The following TTC27 variants were observed in gnomAD, a reference collection of about 807,000 sequenced individuals.
TTC27 encodes tetratricopeptide repeat domain 27, also known as tetratricopeptide repeat protein 27.
Under a neutral mutation model 115.9 loss-of-function variants are expected in TTC27, and 79 were observed. The observed-to-expected ratio is 0.68, with a 90% CI of 0.57 to 0.82. The LOEUF is 0.82. Ranked by LOEUF, TTC27 falls within the 40% of genes least tolerant of loss-of-function variation. The pLI is 0.00. For missense variants in TTC27, 1,054 were observed against 993.1 expected, an observed-to-expected ratio of 1.06 and a Z score of -0.82; for synonymous variants, 401 against 356.0, an observed-to-expected ratio of 1.13 and a Z score of -1.42.
At chr2:32,702,968 C>A in intron 10 of TTC27, 48 bp downstream of exon 10, 1 of 1,290,088 alleles carries the variant, frequency 7.8e-7, no homozygotes. Context: ...CTCTCTATTG[C>A]TATCAGTAAG....
intron 16 of TTC27, among the ~76,000 whole-genome samples, chr2:32,803,345 C>T (rs924444292): frequency 6.6e-6 from 1 of 152,202 alleles, no homozygotes; most frequent in African/African-American, 2.4e-5. Flanking sequence ...ACATATGGTC[C>T]CTGCCTTGCA....
At position 32,713,914 on chromosome 2, in the gene TTC27, C is replaced by A. The variant is rs530629668; in HGVS notation, c.1233+10994C>A. ...ATAAGTAATTTTTCAATTCTTAGCT[C>A]CTTCCGCTCTCCACCCTCAAGTAGG... On this transcript the variant is annotated intron_variant, in intron 10 of 19. Coordinates refer to ENST00000317907, the MANE Select transcript of TTC27 (RefSeq NM_017735.5). Among the ~76,000 whole-genome samples, 12 of 152,190 alleles carry A rather than the reference C, an allele frequency of 7.9e-5. No individual in the cohort carries two copies. In the East Asian group the frequency reaches 2.3e-3, roughly 29 times the overall value.
At chr2:32,673,247 G>A (rs909010633) in intron 8 of TTC27, among the ~76,000 whole-genome samples, 32 of 124,560 alleles carry the variant, frequency 2.6e-4, no homozygotes, top group Non-Finnish European at 1.6e-5. Context: ...TTCCTAAGAT[G>A]GAGTTTTGCT....
At chr2:32,684,081 C>T (rs904170098) in intron 9 of TTC27, among the ~76,000 whole-genome samples, 8 of 152,060 alleles carry the variant, frequency 5.3e-5, no homozygotes, top group African/African-American at 1.9e-4. Context: ...TTGCTTGAAC[C>T]CGGGAGGCGG....
At chr2:32,706,684 C>T (rs1667381018) in intron 10 of TTC27, among the ~76,000 whole-genome samples, 1 of 152,012 alleles carries the variant, frequency 6.6e-6, no homozygotes, top group South Asian at 2.1e-4. Flanking sequence ...CATGCCTCAG[C>T]CTCCTGAGTA....
intron 12 of TTC27, among the ~76,000 whole-genome samples, chr2:32,752,006 A>T (rs1302027884): frequency 1.3e-5 from 2 of 152,196 alleles, no homozygotes; most frequent in Admixed American, 1.3e-4. Context: ...TCAGTCAGTC[A>T]CTACTTAAGA....
chr2:32,705,267 T>G (rs1667327403), intron 10 of TTC27, among the ~76,000 whole-genome samples: 1 of 152,186 alleles, frequency 6.6e-6, no homozygotes, highest in Non-Finnish European at 1.5e-5. Flanking sequence ...ATAAGCTTCC[T>G]GAGGCTTCAT....
intron 9 of TTC27, among the ~76,000 whole-genome samples, chr2:32,700,884 G>C (rs1667162124): frequency 6.6e-6 from 1 of 152,144 alleles, no homozygotes; most frequent in Admixed American, 6.5e-5. Context: ...CTGACAAGTA[G>C]TGTTGTACAT....
At chr2:32,814,041 C>T (rs1671401980) in intron 18 of TTC27, among the ~76,000 whole-genome samples, 1 of 152,174 alleles carries the variant, frequency 6.6e-6, no homozygotes, top group South Asian at 2.1e-4. Flanking sequence ...GGGAAACCCA[C>T]ACTGATGTAT....
intron 10 of TTC27, among the ~76,000 whole-genome samples, chr2:32,723,269 G>A (rs974568511): frequency 4.6e-5 from 7 of 152,038 alleles, no homozygotes; most frequent in South Asian, 2.1e-4. Context: ...ATAACACTGC[G>A]TACATCTTAA....
At chr2:32,769,185 G>T (rs753820081) in intron 13 of TTC27, among the ~76,000 whole-genome samples, 1 of 152,202 alleles carries the variant, frequency 6.6e-6, no homozygotes. Flanking sequence ...AGGATAAATG[G>T]CACCAGTGAA....
At chr2:32,806,689 G>A (rs543985936) in intron 16 of TTC27, among the ~76,000 whole-genome samples, 183 of 152,174 alleles carry the variant, frequency 1.2e-3, no homozygotes, top group African/African-American at 4.3e-3. Context: ...GGCTGAGGCA[G>A]GAGAATCGCT....
chr2:32,681,129 A>C (rs573101043), intron 9 of TTC27, among the ~76,000 whole-genome samples: 1 of 152,240 alleles, frequency 6.6e-6, no homozygotes, highest in Non-Finnish European at 1.5e-5. Flanking sequence ...TTTTTGGAGG[A>C]AAGCTGTTTG....
chr2:32,804,114 A>G (rs554276911), intron 16 of TTC27, among the ~76,000 whole-genome samples: 83 of 152,320 alleles, frequency 5.4e-4, no homozygotes, highest in African/African-American at 1.9e-3. Flanking sequence ...TAACTTAACT[A>G]ATAATGAAAG....
chr2:32,741,347 G>T (rs1396341763), intron 12 of TTC27, among the ~76,000 whole-genome samples: 1 of 152,044 alleles, frequency 6.6e-6, no homozygotes, highest in Non-Finnish European at 1.5e-5. Context: ...AACCAGACCT[G>T]TGTCAACAGC....
At chr2:32,735,403 CT>C (rs1353360267) in intron 11 of TTC27, among the ~76,000 whole-genome samples, 1 of 152,014 alleles carries the variant, frequency 6.6e-6, no homozygotes, top group Non-Finnish European at 1.5e-5. Context: ...CAAAATGTGT[CT>C]ATTGAGGGTG....
chr2:32,678,686 C>T (rs2151888063), intron 8 of TTC27, among the ~76,000 whole-genome samples, 170 bp from the exon 9 acceptor site: 1 of 152,266 alleles, frequency 6.6e-6, no homozygotes, highest in Non-Finnish European at 1.5e-5. Flanking sequence ...CTCGGCCTCC[C>T]AAAGTGTTGG....
chr2:32,789,080 G>T (rs1177258813), intron 16 of TTC27, among the ~76,000 whole-genome samples: 1 of 152,118 alleles, frequency 6.6e-6, no homozygotes, highest in Admixed American at 6.6e-5. Context: ...CTCTCCACCT[G>T]CTTGTTTTAA....
chr2:32,650,349 GTTTC>G (rs1665055626), intron 5 of TTC27, 116 bp downstream of exon 5: 7 of 241,258 alleles, frequency 2.9e-5, no homozygotes, highest in South Asian at 3.3e-4. Context: ...GTTTTGAGTT[GTTTC>G]TTTTTTTTTT....
Sources: allele counts gnomAD v4.1 joint callset (sites outside exome capture counted in the v4.1 genomes callset), GRCh38; gene constraint gnomAD v4.1.1; transcripts MANE v1.5; gene names NCBI Gene and HGNC (gene_info 2026-07-23, HGNC 2026-07-21).